Variants in RPRD1B observed in about 807,000 individuals in gnomAD.
The protein encoded by RPRD1B is regulation of nuclear pre-mRNA domain-containing protein 1B.
A neutral mutation model predicts 41.5 loss-of-function variants in RPRD1B; 11 were observed. That is an observed-to-expected ratio of 0.27 (90% CI 0.17 to 0.44). RPRD1B has a LOEUF of 0.44. RPRD1B is among the 20% of genes least tolerant of loss of function. RPRD1B has a pLI of 1.00. For synonymous variants in RPRD1B, 158 were observed against 155.6 expected (o/e 1.02, Z -0.12); for missense variants, 248 against 389.9 (o/e 0.64, Z 3.06).
chr20:38,040,117 C>T (rs6022577), intron 1 of RPRD1B, among the ~76,000 whole-genome samples: 37,028 of 152,092 alleles, frequency 0.24, 5,651 homozygotes, highest in African/African-American at 0.44. Flanking sequence ...AATAAAAGCC[C>T]TAGTTTCAAC....
At chr20:38,034,429 A>C (rs755107) in intron 1 of RPRD1B, among the ~76,000 whole-genome samples, 6,587 of 152,104 alleles carry the variant, frequency 0.043, 460 homozygotes, top group African/African-American at 0.15. Flanking sequence ...TGTCGGGCCC[A>C]GTGCTGGGTA....
intron 3 of RPRD1B, among the ~76,000 whole-genome samples, chr20:38,056,019 T>C (rs1177115730): frequency 2.0e-5 from 3 of 152,218 alleles, no homozygotes; most frequent in African/African-American, 7.2e-5. Context: ...TATAATAGTA[T>C]GCGCAAAGTG....
intron 6 of RPRD1B, 60 bp downstream of exon 6, chr20:38,066,316 G>A (rs6068673): frequency 6.7e-6 from 10 of 1,500,824 alleles, no homozygotes; most frequent in Non-Finnish European, 9.1e-6. Flanking sequence ...GCCCACATTA[G>A]GAGGTTTTTA....
chr20:38,049,779 G>A (rs1199746556), intron 3 of RPRD1B: 1 of 471,050 alleles, frequency 2.1e-6, no homozygotes, highest in African/African-American at 2.0e-5. Flanking sequence ...GATCTGATCT[G>A]CCTGCATACA....
intron 4 of RPRD1B, among the ~76,000 whole-genome samples, chr20:38,058,706 T>A (rs2074268079): frequency 6.6e-6 from 1 of 152,136 alleles, no homozygotes; most frequent in South Asian, 2.1e-4. Context: ...CAACATATAA[T>A]TTTTTCCTTC....
chr20:38,061,086 T>C (rs1486583067), intron 5 of RPRD1B, among the ~76,000 whole-genome samples: 2 of 152,236 alleles, frequency 1.3e-5, no homozygotes, highest in East Asian at 1.9e-4. Flanking sequence ...AAAGGTCTCA[T>C]GTAGCTTCCT....
At position 38,048,421 on chromosome 20, in the gene RPRD1B, G is replaced by A. The variant is rs1347807101; in HGVS notation, c.355G>A (p.Gly119Ser). 3.1e-6 allele frequency: 5 copies of A among 1,613,814 alleles called. No individual in the cohort carries two copies. The highest frequency in any genetic ancestry group is 2.2e-5 in the East Asian group (1 of 44,902). ...CTGGCAAGAACGAAGTGTGTATGGCGGCGAGTTCATACAGCAGCTGAAGCT... is the reference window on the plus strand; with the variant it reads ...CTGGCAAGAACGAAGTGTGTATGGCAGCGAGTTCATACAGCAGCTGAAGCT... ...NIWQERSVYGGEFIQQLKLSM... is the reference protein window; with the variant it reads ...NIWQERSVYGSEFIQQLKLSM... Residue 119 changes from glycine (G) to serine (S), a missense_variant, in exon 3 of 7, where the codon GGC (glycine) becomes AGC (serine). Gly to Ser is a moderately conservative substitution (Grantham distance 56, BLOSUM62 0). Transcript: ENST00000373433.
Position 38,047,472 on chromosome 20 carries a change from T to G in RPRD1B, c.282-876T>G, listed in dbSNP as rs80164732. Among the ~76,000 whole-genome samples, 1,119 of 152,240 alleles carry G rather than the reference T, an allele frequency of 7.4e-3. 16 individuals carry two copies. Among genetic ancestry groups the G allele is most frequent in the African/African-American group, 0.025 (1,053 of 41,538 alleles). On this transcript the variant is annotated intron_variant, in intron 2 of 6. Coordinates refer to ENST00000373433, the MANE Select transcript of RPRD1B (RefSeq NM_021215.4). Reference sequence around the variant, plus strand: ...ACTTAGATACTAAGATGTCGAGGTATCCCTTCTTGTTTAAAGTCATTCAGT... The same window carrying G: ...ACTTAGATACTAAGATGTCGAGGTAGCCCTTCTTGTTTAAAGTCATTCAGT...
Position 38,091,698 on chromosome 20 carries a change from C to G in RPRD1B, c.*1823C>G, listed in dbSNP as rs2074613435. On this transcript the variant is annotated 3_prime_UTR_variant, in exon 7 of 7. Transcript: ENST00000373433. ...TTTTGGAGCAGGCCCATCTGGGACA[C>G]TCTATGCTTTCACCAAGGAAGTGCG... The G allele has an allele frequency of 1.0e-6, 1 of 985,498 alleles. No individual in the cohort carries two copies. Among genetic ancestry groups the G allele is most frequent in the Non-Finnish European group, 1.2e-6 (1 of 829,944 alleles). The allele number at this position is 985,498 out of a possible 1,614,324, so 61.0% of individuals were successfully genotyped here. A position where few individuals can be genotyped will look rare whatever the true frequency, so the allele number is the denominator to read the frequency against.
intron 6 of RPRD1B, among the ~76,000 whole-genome samples, chr20:38,069,408 G>C (rs1370280891): frequency 3.3e-5 from 5 of 152,228 alleles, no homozygotes; most frequent in African/African-American, 1.2e-4. Flanking sequence ...CAAACTTCCT[G>C]TCAGGCAATA....
chr20:38,067,591 T>C (rs563084554), intron 6 of RPRD1B, among the ~76,000 whole-genome samples: 1 of 152,330 alleles, frequency 6.6e-6, no homozygotes, highest in African/African-American at 2.4e-5. Context: ...ACCGTATCCT[T>C]ACCTGCAGTG....
chr20:38,036,635 T>C (rs2074006323), intron 1 of RPRD1B, among the ~76,000 whole-genome samples: 1 of 152,192 alleles, frequency 6.6e-6, no homozygotes, highest in South Asian at 2.1e-4. Context: ...TTTTCGTGGT[T>C]GAGTAAAGGA....
At chr20:38,062,917 C>G (rs1035029020) in intron 5 of RPRD1B, among the ~76,000 whole-genome samples, 1 of 143,976 alleles carries the variant, frequency 6.9e-6, no homozygotes, top group Non-Finnish European at 1.5e-5. Context: ...TCATTGTAAC[C>G]TCAAACTCCT....
intron 2 of RPRD1B, among the ~76,000 whole-genome samples, chr20:38,041,418 G>A (rs1291723468): frequency 6.6e-6 from 1 of 152,172 alleles, no homozygotes; most frequent in Non-Finnish European, 1.5e-5. Context: ...GATTTGAAAA[G>A]TTTGAAGGAA....
intron 1 of RPRD1B, among the ~76,000 whole-genome samples, chr20:38,034,718 C>G (rs1241584714): frequency 2.0e-5 from 3 of 152,172 alleles, no homozygotes; most frequent in African/African-American, 7.2e-5. Context: ...GCCACCCAGA[C>G]CTTACCTCTC....
chr20:38,076,318 A>G (rs994034379), intron 6 of RPRD1B, among the ~76,000 whole-genome samples: 2 of 152,088 alleles, frequency 1.3e-5, no homozygotes, highest in African/African-American at 4.8e-5. Flanking sequence ...GTAACACTTT[A>G]CCTTCCTGGG....
chr20:38,038,371 G>GCGATCT (rs2122688392), intron 1 of RPRD1B, among the ~76,000 whole-genome samples: 1 of 150,166 alleles, frequency 6.7e-6, no homozygotes, highest in East Asian at 2.0e-4. Context: ...TGCAGTTGGC[G>GCGATCT]CGATCTCGGC....
chr20:38,035,301 C>A (rs900994161), intron 1 of RPRD1B, among the ~76,000 whole-genome samples: 1 of 152,204 alleles, frequency 6.6e-6, no homozygotes, highest in African/African-American at 2.4e-5. Context: ...AAGCTCAGAG[C>A]TGCTCCAGAC....
chr20:38,038,490 G>GTTTTTTT lies in RPRD1B; in HGVS notation c.152-1927_152-1921dup, dbSNP rs150397040. 1.1e-3 allele frequency among the ~76,000 whole-genome samples: 88 copies of GTTTTTTT among 76,756 alleles called. 2 individuals are homozygous for GTTTTTTT. The highest frequency in any genetic ancestry group is 2.5e-3 in the African/African-American group (51 of 20,734). The allele number at this position is 76,756 out of a possible 152,430, so 50.4% of individuals were successfully genotyped here. Reference sequence around the variant, plus strand: ...ACGCCCGGCTGATTTTTTTTGTTTTGTTTTTTTTTTTTTTTTTTTTTTTTG... The same window carrying GTTTTTTT: ...ACGCCCGGCTGATTTTTTTTGTTTTGTTTTTTTTTTTTTTTTTTTTTTTTTTTTTTTG... On this transcript the variant is annotated intron_variant, in intron 1 of 6. Coordinates refer to ENST00000373433, the MANE Select transcript of RPRD1B (RefSeq NM_021215.4).
Sources: gnomAD v4.1 joint callset for allele counts (sites outside exome capture counted in the v4.1 genomes callset) on GRCh38, gnomAD v4.1.1 for gene constraint, MANE v1.5 for transcripts, NCBI Gene and HGNC (gene_info 2026-07-23, HGNC 2026-07-21) for gene names.